The following LRRTM4 variants were observed in gnomAD, a reference collection of about 807,000 sequenced individuals.
LRRTM4 encodes leucine-rich repeat transmembrane neuronal protein 4.
Under a neutral mutation model 47.6 loss-of-function variants are expected in LRRTM4, and 25 were observed. That is an observed-to-expected ratio of 0.53 (90% CI 0.38 to 0.73). The LOEUF is 0.73. Ranked by LOEUF, LRRTM4 falls within the 30% of genes least tolerant of loss-of-function variation. LRRTM4 has a pLI of 0.00. For synonymous variants in LRRTM4, 311 were observed against 269.5 expected (o/e 1.15, Z -1.51); for missense variants, 638 against 713.4 (o/e 0.89, Z 1.20).
chr2:77,379,197 C>T (rs528858885), intron 3 of LRRTM4, among the ~76,000 whole-genome samples: 1 of 151,836 alleles, frequency 6.6e-6, no homozygotes, highest in Non-Finnish European at 1.5e-5. Context: ...TATTTTTGCT[C>T]TATATTGAAC....
chr2:76,964,854 C>T (rs1281808370), intron 3 of LRRTM4, among the ~76,000 whole-genome samples: 4 of 150,460 alleles, frequency 2.7e-5, no homozygotes, highest in African/African-American at 9.7e-5. Context: ...GATATAAAAA[C>T]TAGGCCCTTT....
intron 3 of LRRTM4, among the ~76,000 whole-genome samples, chr2:77,282,596 C>G (rs762162871): frequency 6.6e-6 from 1 of 151,784 alleles, no homozygotes; most frequent in Non-Finnish European, 1.5e-5. Flanking sequence ...TCAAGCTATA[C>G]TATAAGGCTA....
At chr2:76,800,083 A>T (rs1675578633) in intron 3 of LRRTM4, among the ~76,000 whole-genome samples, 2 of 151,770 alleles carry the variant, frequency 1.3e-5, no homozygotes, top group African/African-American at 4.8e-5. Flanking sequence ...GCCTTTCTTC[A>T]CAGAATTGGA....
chr2:77,112,070 T>C (rs1041594330), intron 3 of LRRTM4, among the ~76,000 whole-genome samples: 8 of 152,086 alleles, frequency 5.3e-5, no homozygotes, highest in African/African-American at 1.4e-4. Flanking sequence ...ATTTAGAAAA[T>C]GTGTGAGGCA....
At chr2:76,916,241 C>T (rs930828993) in intron 3 of LRRTM4, among the ~76,000 whole-genome samples, 1 of 151,548 alleles carries the variant, frequency 6.6e-6, no homozygotes, top group Admixed American at 6.6e-5. Flanking sequence ...AAAAATTAGC[C>T]GGGCGTGTTG....
At chr2:77,207,347 G>GTATATATATATATATATATATATA (rs200933978) in intron 3 of LRRTM4, among the ~76,000 whole-genome samples, 11 of 83,406 alleles carry the variant, frequency 1.3e-4, no homozygotes, top group African/African-American at 4.7e-4. Flanking sequence ...TTTCATATAT[G>GTATATATATATATATATATATATA]TGTATATATA....
chr2:77,297,737 G>C (rs1573213253), intron 3 of LRRTM4, among the ~76,000 whole-genome samples: 2 of 152,110 alleles, frequency 1.3e-5, no homozygotes, highest in African/African-American at 4.8e-5. Context: ...AAAGCCAAGA[G>C]AGTAGAGCTT....
At chr2:77,325,986 G>T (rs752153570) in intron 3 of LRRTM4, among the ~76,000 whole-genome samples, 25 of 152,294 alleles carry the variant, frequency 1.6e-4, no homozygotes, top group Non-Finnish European at 2.5e-4. Flanking sequence ...AACCTAGGAA[G>T]GTAATTTTCT....
chr2:77,311,505 T>G (rs1170305943), intron 3 of LRRTM4, among the ~76,000 whole-genome samples: 1 of 152,184 alleles, frequency 6.6e-6, no homozygotes, highest in Non-Finnish European at 1.5e-5. Context: ...GCTTTGCACA[T>G]CATTAAAGTG....
At chr2:77,055,632 C>T (rs988652065) in intron 3 of LRRTM4, among the ~76,000 whole-genome samples, 31 of 152,172 alleles carry the variant, frequency 2.0e-4, no homozygotes, top group East Asian at 1.7e-3. Context: ...GTCAGTGTGG[C>T]GATTCCTCAG....
At chr2:77,022,876 G>A (rs1678323985) in intron 3 of LRRTM4, among the ~76,000 whole-genome samples, 1 of 152,170 alleles carries the variant, frequency 6.6e-6, no homozygotes, top group Non-Finnish European at 1.5e-5. Flanking sequence ...CGATTCTGGG[G>A]TCTGGAGGAT....
intron 3 of LRRTM4, among the ~76,000 whole-genome samples, chr2:76,950,463 T>A (rs755837549): frequency 1.3e-5 from 2 of 151,842 alleles, no homozygotes; most frequent in Non-Finnish European, 2.9e-5. Context: ...GTAAAGGGAG[T>A]TATTTAAGAA....
At chr2:77,085,249 A>C (rs1206783193) in intron 3 of LRRTM4, among the ~76,000 whole-genome samples, 2 of 151,912 alleles carry the variant, frequency 1.3e-5, no homozygotes, top group South Asian at 2.1e-4. Context: ...TTTTTGAGTG[A>C]TACATTAATT....
intron 3 of LRRTM4, among the ~76,000 whole-genome samples, chr2:77,077,157 A>G (rs1265246348): frequency 6.6e-6 from 1 of 152,228 alleles, no homozygotes; most frequent in African/African-American, 2.4e-5. Context: ...AGAATAAAGG[A>G]TAACTATATT....
At chr2:77,095,615 C>T (rs945131838) in intron 3 of LRRTM4, among the ~76,000 whole-genome samples, 1 of 151,306 alleles carries the variant, frequency 6.6e-6, no homozygotes, top group Admixed American at 6.6e-5. Flanking sequence ...AAATGATTCT[C>T]GTGCCTCAGC....
chr2:77,137,913 A>T (rs1337778057), intron 3 of LRRTM4, among the ~76,000 whole-genome samples: 1 of 152,188 alleles, frequency 6.6e-6, no homozygotes, highest in Non-Finnish European at 1.5e-5. Flanking sequence ...TCAATTCAAC[A>T]GGAAGAGCTA....
chr2:76,824,414 T>C (rs896747357), intron 3 of LRRTM4, among the ~76,000 whole-genome samples: 1 of 151,632 alleles, frequency 6.6e-6, no homozygotes, highest in Admixed American at 6.6e-5. Flanking sequence ...TTCAGGTGTT[T>C]TCATGTTCAA....
At chr2:77,336,308 A>AGAAG (rs1025986014) in intron 3 of LRRTM4, among the ~76,000 whole-genome samples, 1 of 151,092 alleles carries the variant, frequency 6.6e-6, no homozygotes, top group Non-Finnish European at 1.5e-5. Flanking sequence ...AAGGGAGGAA[A>AGAAG]GAAGGAAGGA....
intron 3 of LRRTM4, among the ~76,000 whole-genome samples, chr2:77,505,843 A>AT (rs1678747946): frequency 2.0e-5 from 3 of 151,554 alleles, no homozygotes; most frequent in Non-Finnish European, 3.0e-5. Flanking sequence ...CTAAGACAAT[A>AT]TTTTTTATAA....
Sources: gnomAD v4.1 joint callset for allele counts (sites outside exome capture counted in the v4.1 genomes callset) on GRCh38, gnomAD v4.1.1 for gene constraint, MANE v1.5 for transcripts, NCBI Gene and HGNC (gene_info 2026-07-23, HGNC 2026-07-21) for gene names.